PRKD1: variants seen among roughly 807,000 people sequenced by gnomAD.
The protein encoded by PRKD1 is protein kinase D1.
PRKD1 carries 63 observed loss-of-function variants against 95.9 expected under a neutral mutation model. That is an observed-to-expected ratio of 0.66 (90% CI 0.54 to 0.81). PRKD1 has a LOEUF of 0.81. Ranked by LOEUF, PRKD1 falls within the 30% of genes least tolerant of loss-of-function variation. The pLI is 0.00. For missense variants in PRKD1, 1,048 were observed against 1,165.3 expected, an observed-to-expected ratio of 0.90 and a Z score of 1.47; for synonymous variants, 425 against 423.1, an observed-to-expected ratio of 1.00 and a Z score of -0.05.
Position 29,632,939 on chromosome 14 carries a change from C to T in PRKD1, c.1322G>A (p.Arg441Gln), listed in dbSNP as rs1181038822. 3 of 1,612,850 alleles carry T rather than the reference C, an allele frequency of 1.9e-6. No homozygotes were observed. Among genetic ancestry groups the T allele is most frequent in the South Asian group, 1.1e-5 (1 of 91,052 alleles). Reference protein sequence around the residue: ...HYTSKDTLRKRHYWRLDSKCI... With the variant: ...HYTSKDTLRKQHYWRLDSKCI... ...TTTGCTATCCAATCTCCAATAGTGC[C>T]GTTTCCGCTGAAACAGAAGTTAGAT... Residue 441 changes from arginine (R) to glutamine (Q), a missense_variant, in exon 9 of 18, where the codon CGG (arginine) becomes CAG (glutamine). By Grantham distance (43) the Arg-to-Gln change is conservative. Transcript: ENST00000331968.
At chr14:29,640,298 A>G (rs984423264) in intron 4 of PRKD1, among the ~76,000 whole-genome samples, 9 of 152,212 alleles carry the variant, frequency 5.9e-5, no homozygotes, top group African/African-American at 2.2e-4. Flanking sequence ...ATGATTACTG[A>G]TAAGACAGCA....
At chr14:29,627,600 A>G (rs1426075797) in intron 11 of PRKD1, among the ~76,000 whole-genome samples, 1 of 152,072 alleles carries the variant, frequency 6.6e-6, no homozygotes, top group Non-Finnish European at 1.5e-5. Flanking sequence ...ATTACATCCT[A>G]TCAGATTTTC....
chr14:29,889,211 G>A (rs1175592771), intron 1 of PRKD1, among the ~76,000 whole-genome samples: 1 of 152,168 alleles, frequency 6.6e-6, no homozygotes, highest in African/African-American at 2.4e-5. Context: ...ACTTCATTCA[G>A]ACTCCACTCA....
intron 1 of PRKD1, among the ~76,000 whole-genome samples, chr14:29,775,716 G>A (rs955484129): frequency 6.6e-6 from 1 of 152,062 alleles, no homozygotes; most frequent in African/African-American, 2.4e-5. Context: ...TCCATCTCTG[G>A]GGGCAGGGCA....
chr14:29,656,619 A>C (rs1881856884), intron 4 of PRKD1: 4 of 1,186,416 alleles, frequency 3.4e-6, no homozygotes, highest in Non-Finnish European at 4.8e-6. Context: ...TGTTTCATAT[A>C]GGCATGCTTT....
chr14:29,660,107 C>G (rs540015151), intron 4 of PRKD1, among the ~76,000 whole-genome samples: 9 of 152,252 alleles, frequency 5.9e-5, no homozygotes, highest in African/African-American at 2.2e-4. Context: ...AAGACAGGGT[C>G]AAGATTCTTC....
chr14:29,578,464 T>G, intron 16 of PRKD1, 104 bp from the exon 17 acceptor site: 1 of 595,444 alleles, frequency 1.7e-6, no homozygotes, highest in Non-Finnish European at 2.3e-6. Context: ...AAATGCAGCA[T>G]AGTGACAAGG....
At chr14:29,821,046 T>G (rs960309602) in intron 1 of PRKD1, among the ~76,000 whole-genome samples, 2 of 152,202 alleles carry the variant, frequency 1.3e-5, no homozygotes, top group African/African-American at 4.8e-5. Context: ...TTGAACACAC[T>G]GAGTTTGAAA....
At chr14:29,722,901 G>A (rs1260330380) in intron 2 of PRKD1, among the ~76,000 whole-genome samples, 1 of 152,090 alleles carries the variant, frequency 6.6e-6, no homozygotes, top group Non-Finnish European at 1.5e-5. Flanking sequence ...GAAAAATATG[G>A]TCAAAAATGG....
Position 29,896,398 on chromosome 14 carries a change from T to C in PRKD1, c.264+30851A>G, listed in dbSNP as rs534961807. ...CACACACACACACACCCATCAAGAC[T>C]ATTAGCTTAAATGAAGGTTTATTTT... On this transcript the variant is annotated intron_variant, in intron 1 of 17. Transcript: ENST00000331968. 5.8e-4 allele frequency among the ~76,000 whole-genome samples: 88 copies of C among 151,718 alleles called. No homozygotes were observed. The South Asian group carries it at 0.018, about 31-fold the overall frequency.
chr14:29,692,960 A>G (rs1321498817), intron 2 of PRKD1, among the ~76,000 whole-genome samples: 1 of 152,228 alleles, frequency 6.6e-6, no homozygotes. Flanking sequence ...AGTATAGGCC[A>G]TATGCAATAA....
At chr14:29,707,309 C>T (rs571870311) in intron 2 of PRKD1, among the ~76,000 whole-genome samples, 1 of 152,138 alleles carries the variant, frequency 6.6e-6, no homozygotes, top group South Asian at 2.1e-4. Context: ...GGAAACTATT[C>T]CAGTGAGAAA....
At chr14:29,910,281 C>T (rs1257214866) in intron 1 of PRKD1, among the ~76,000 whole-genome samples, 1 of 152,108 alleles carries the variant, frequency 6.6e-6, no homozygotes, top group African/African-American at 2.4e-5. Flanking sequence ...AGCTGTGACA[C>T]TCACCGCGAA....
rs1325760911 is a variant in PRKD1 at position 29,826,788 on chromosome 14, T to TATAC, written c.264+100460_264+100461insGTAT. 1.2e-3 allele frequency among the ~76,000 whole-genome samples: 48 copies of TATAC among 40,970 alleles called. 2 individuals carry two copies. The highest frequency in any genetic ancestry group is 2.8e-3 in the South Asian group (3 of 1,088). The allele number at this position is 40,970 out of a possible 152,430, so 26.9% of individuals were successfully genotyped here. A position where few individuals can be genotyped will look rare whatever the true frequency, so the allele number is the denominator to read the frequency against. On this transcript the variant is annotated intron_variant, in intron 1 of 17. Coordinates refer to ENST00000331968, the MANE Select transcript of PRKD1 (RefSeq NM_002742.3). ...ATATATACACATATATATACATATA[T>TATAC]ACACATATATATACACATATATATA...
intron 1 of PRKD1, among the ~76,000 whole-genome samples, chr14:29,818,335 G>C (rs1368256926): frequency 1.3e-5 from 2 of 152,148 alleles, no homozygotes; most frequent in Non-Finnish European, 2.9e-5. Flanking sequence ...ATCCACAGCA[G>C]TTTATTTAAT....
intron 1 of PRKD1, among the ~76,000 whole-genome samples, chr14:29,840,854 CT>C (rs1404743745): frequency 1.3e-5 from 2 of 152,228 alleles, no homozygotes; most frequent in Admixed American, 6.5e-5. Context: ...GATTCAATCA[CT>C]TCCTACCAGG....
At chr14:29,677,208 C>T (rs1214803927) in intron 2 of PRKD1, among the ~76,000 whole-genome samples, 3 of 152,172 alleles carry the variant, frequency 2.0e-5, no homozygotes, top group Non-Finnish European at 4.4e-5. Context: ...AATTGGCTAA[C>T]ACTTATCAAG....
chr14:29,759,534 T>G (rs1289710200), intron 1 of PRKD1, among the ~76,000 whole-genome samples: 1 of 152,148 alleles, frequency 6.6e-6, no homozygotes, highest in Admixed American at 6.5e-5. Flanking sequence ...ATAGCCTGAG[T>G]AGTAACTACA....
At chr14:29,877,890 GAATCAACCTAAATGTTCATAAATGGCCGA>G (rs1410125255) in intron 1 of PRKD1, among the ~76,000 whole-genome samples, 62 of 152,262 alleles carry the variant, frequency 4.1e-4, no homozygotes, top group East Asian at 2.1e-3. Flanking sequence ...CAATGACAGG[GAATCAACCTAAATGTTCATAAATGGCCGA>G]TTGGATGAGG....
Sources: allele counts gnomAD v4.1 joint callset (sites outside exome capture counted in the v4.1 genomes callset), GRCh38; gene constraint gnomAD v4.1.1; transcripts MANE v1.5; gene names NCBI Gene and HGNC (gene_info 2026-07-23, HGNC 2026-07-21).